Variants in TBK1 observed in about 807,000 individuals in gnomAD.
The protein encoded by TBK1 is TANK binding kinase 1.
In TBK1, 37 loss-of-function variants were observed where a neutral mutation model predicts 99.9. The observed-to-expected ratio is 0.37, with a 90% CI of 0.28 to 0.49. TBK1 has a LOEUF of 0.49. Among genes scored for constraint, TBK1 ranks in the 20% least tolerant of loss-of-function variants. TBK1 has a pLI of 0.98. For missense variants in TBK1, 644 were observed against 872.5 expected (o/e 0.74, Z 3.30); for synonymous variants, 258 against 279.8 (o/e 0.92, Z 0.78).
At chr12:64,469,182 A>G (rs1286474421) in intron 5 of TBK1, among the ~76,000 whole-genome samples, 1 of 152,004 alleles carries the variant, frequency 6.6e-6, no homozygotes, top group African/African-American at 2.4e-5. Context: ...TACAGTTGTA[A>G]TGAATTCACC....
At chr12:64,473,530 T>C (rs2040681435) in intron 5 of TBK1, among the ~76,000 whole-genome samples, 1 of 152,202 alleles carries the variant, frequency 6.6e-6, no homozygotes, top group Non-Finnish European at 1.5e-5. Flanking sequence ...AGAATTGATT[T>C]CTGGAATTGG....
In TBK1 at chr12:64,455,010, T is replaced by A. The variant is rs545208777; in HGVS notation, c.-31-830T>A. On this transcript the variant is annotated intron_variant, in intron 1 of 20. Coordinates refer to ENST00000331710, the MANE Select transcript of TBK1 (RefSeq NM_013254.4). Reference sequence around the variant, plus strand: ...TTTTTTCTTTTTTTTTTTTTTGCGATGGAGTCTTGCTCTGTCACCCAGGCT... The same window carrying A: ...TTTTTTCTTTTTTTTTTTTTTGCGAAGGAGTCTTGCTCTGTCACCCAGGCT... 8.3e-5 allele frequency among the ~76,000 whole-genome samples: 11 copies of A among 131,896 alleles called. No homozygotes were observed. The South Asian group carries it at 2.7e-3, about 32-fold the overall frequency. The allele number at this position is 131,896 out of a possible 152,430, so 86.5% of individuals were successfully genotyped here.
intron 13 of TBK1, among the ~76,000 whole-genome samples, chr12:64,492,816 G>A (rs2040883432): frequency 6.6e-6 from 1 of 151,378 alleles, no homozygotes; most frequent in South Asian, 2.1e-4. Flanking sequence ...TCCACCTCCT[G>A]GGTTCAAGTG....
chr12:64,474,838 C>T (rs1034199844), intron 6 of TBK1, among the ~76,000 whole-genome samples: 8 of 152,162 alleles, frequency 5.3e-5, no homozygotes, highest in Non-Finnish European at 8.8e-5. Context: ...ACATTTTGGG[C>T]CAGGCGTGGT....
At chr12:64,453,891 G>A (rs937589482) in intron 1 of TBK1, among the ~76,000 whole-genome samples, 2 of 152,136 alleles carry the variant, frequency 1.3e-5, no homozygotes, top group African/African-American at 4.8e-5. Context: ...ATACTTGGAG[G>A]TTGGAGAAAC....
intron 13 of TBK1, among the ~76,000 whole-genome samples, chr12:64,494,887 C>G (rs777804392): frequency 2.0e-5 from 3 of 152,194 alleles, no homozygotes; most frequent in African/African-American, 7.2e-5. Flanking sequence ...GTATCAGGAC[C>G]TTTAAAATAT....
At chr12:64,457,306 TC>T (rs1400070125) in intron 2 of TBK1, among the ~76,000 whole-genome samples, 1 of 152,176 alleles carries the variant, frequency 6.6e-6, no homozygotes, top group Non-Finnish European at 1.5e-5. Flanking sequence ...CTTTTAGCTT[TC>T]CTCCCCCTGT....
At chr12:64,475,391 C>T (rs1189554779) in intron 6 of TBK1, among the ~76,000 whole-genome samples, 5 of 151,976 alleles carry the variant, frequency 3.3e-5, no homozygotes, top group African/African-American at 1.2e-4. Flanking sequence ...AACGTGGTAC[C>T]GAATAAGAAG....
chr12:64,471,662 T>C (rs2040663631), intron 5 of TBK1, among the ~76,000 whole-genome samples: 1 of 152,208 alleles, frequency 6.6e-6, no homozygotes, highest in Admixed American at 6.5e-5. Context: ...TCTCTTCTAC[T>C]GTTTTTAATA....
intron 5 of TBK1, among the ~76,000 whole-genome samples, chr12:64,468,301 T>A (rs2040626325): frequency 6.6e-6 from 1 of 150,948 alleles, no homozygotes; most frequent in African/African-American, 2.4e-5. Flanking sequence ...GAGACCAGCC[T>A]GAGCAACATG....
intron 8 of TBK1, among the ~76,000 whole-genome samples, chr12:64,482,678 T>C (rs1448605996): frequency 2.6e-5 from 4 of 152,240 alleles, no homozygotes; most frequent in Non-Finnish European, 5.9e-5. Context: ...ATACAAATAC[T>C]GTTTCTAATT....
At chr12:64,469,460 C>T (rs1298213962) in intron 5 of TBK1, among the ~76,000 whole-genome samples, 1 of 152,188 alleles carries the variant, frequency 6.6e-6, no homozygotes, top group Non-Finnish European at 1.5e-5. Flanking sequence ...ACTGAGTCAA[C>T]ACACATCTTC....
chr12:64,488,456 TAAAC>T (rs1177189480), intron 11 of TBK1, 27 bp from the exon 12 acceptor site: 3 of 1,376,544 alleles, frequency 2.2e-6, no homozygotes, highest in Non-Finnish European at 3.0e-6. Context: ...ACTCCTTAGA[TAAAC>T]TAATTAGAAT....
Position 64,498,048 on chromosome 12 carries a change from T to C in TBK1, c.2138+9T>C. On this transcript the variant is annotated intron_variant, in intron 20 of 20. Coordinates refer to ENST00000331710, the MANE Select transcript of TBK1 (RefSeq NM_013254.4). ...AACCACATTTTAGAAAGGTGAGTAA[T>C]GCAAAAATAATTACTGTGATTTTCT... The C allele has an allele frequency of 1.3e-6, 2 of 1,599,598 alleles. No individual in the cohort carries two copies. Among genetic ancestry groups the C allele is most frequent in the Admixed American group, 1.8e-5 (1 of 56,064 alleles).
rs1198176007 is a variant in TBK1, at chr12:64,455,933, A to C, written c.63A>C (p.Ala21=). 1.2e-6 allele frequency: 2 copies of C among 1,613,836 alleles called. No homozygotes were observed. The highest frequency in any genetic ancestry group is 3.3e-5 in the Admixed American group (2 of 59,952). The change falls in exon 2 of 21, where the codon GCA becomes GCC. Residue 21 remains alanine (A), a synonymous_variant. Coordinates refer to ENST00000331710, the MANE Select transcript of TBK1 (RefSeq NM_013254.4). ...LSDILGQGAT[A]NVFRGRHKKT... ...ATATTTTAGGCCAAGGAGCTACTGC[A>C]AATGTCTTTCGTGGAAGACATAAGG...
intron 4 of TBK1, 104 bp from the exon 5 acceptor site, chr12:64,466,797 A>C: frequency 1.1e-6 from 1 of 913,544 alleles, no homozygotes; most frequent in Non-Finnish European, 1.5e-6. Context: ...CAAATTATGG[A>C]AAAATTTATA....
Position 64,464,125 on chromosome 12 carries a change from G to T in TBK1, c.229-209G>T, listed in dbSNP as rs528219326. Among the ~76,000 whole-genome samples the T allele has an allele frequency of 3.0e-4, 46 of 152,202 alleles. 2 individuals carry two copies. The highest frequency in any genetic ancestry group is 2.4e-3 in the Admixed American group (37 of 15,298). On this transcript the variant is annotated intron_variant, in intron 3 of 20. Transcript: ENST00000331710. Reference sequence around the variant, plus strand: ...GATCCGCCCACCTCAGCCTCCCAAAGTGCTGGGATTACAGGCGTGAGCCAC... The same window carrying T: ...GATCCGCCCACCTCAGCCTCCCAAATTGCTGGGATTACAGGCGTGAGCCAC...
intron 4 of TBK1, among the ~76,000 whole-genome samples, chr12:64,466,156 T>C (rs1449812651): frequency 6.6e-6 from 1 of 152,162 alleles, no homozygotes; most frequent in South Asian, 2.1e-4. Flanking sequence ...ATTATAGATA[T>C]GATGTCTTCC....
intron 11 of TBK1, 81 bp from the exon 12 acceptor site, chr12:64,488,406 T>G (rs962009569): frequency 1.4e-5 from 10 of 695,416 alleles, no homozygotes; most frequent in Non-Finnish European, 2.1e-5. Context: ...GTTTTTGAAC[T>G]GTAGTACTGC....
Sources: gnomAD v4.1 joint callset for allele counts (sites outside exome capture counted in the v4.1 genomes callset) on GRCh38, gnomAD v4.1.1 for gene constraint, MANE v1.5 for transcripts, NCBI Gene and HGNC (gene_info 2026-07-23, HGNC 2026-07-21) for gene names.